Variants in RYR1 observed in about 807,000 individuals in gnomAD.
The protein encoded by RYR1 is ryanodine receptor 1.
RYR1 carries 342 observed loss-of-function variants against 583.5 expected under a neutral mutation model. The ratio of observed to expected loss-of-function variants is 0.59; its 90% CI spans 0.54 to 0.64. The LOEUF (loss-of-function observed/expected upper bound fraction) is 0.64, where lower values mean the gene tolerates loss of function less well. RYR1 is among the 30% of genes least tolerant of loss of function. The pLI is 0.00. For synonymous variants in RYR1, 2,791 were observed against 2,822.5 expected (o/e 0.99, Z 0.35); for missense variants, 6,032 against 6,917.2 (o/e 0.87, Z 4.54).
At chr19:38,568,309 T>G (rs1973540973) in intron 93 of RYR1, among the ~76,000 whole-genome samples, 2 of 152,178 alleles carry the variant, frequency 1.3e-5, no homozygotes, top group Non-Finnish European at 1.5e-5. Flanking sequence ...CCAGTGCTGC[T>G]GTGGAGGTCT....
In RYR1 at chr19:38,496,531, C is replaced by A; in HGVS notation, c.6786C>A (p.Gly2262=). ...TGAGCTACCTGCTGGAGAACAGTGGCATCGGCCTGGGTGAGAACCCCCGAG... is the reference window on the plus strand; with the variant it reads ...TGAGCTACCTGCTGGAGAACAGTGGAATCGGCCTGGGTGAGAACCCCCGAG... The part of the protein sequence containing the change: ...DHLSYLLENS[G]IGLGMQGSTP... The change falls in exon 41 of 106, where the codon GGC becomes GGA. Residue 2262 remains glycine, a synonymous_variant. Coordinates refer to ENST00000359596, the MANE Select transcript of RYR1 (RefSeq NM_000540.3). The surrounding 1 kb of genome is among the most constrained non-coding windows in gnomAD (Gnocchi z 4.8). The A allele has an allele frequency of 1.2e-6, 2 of 1,613,402 alleles. No homozygotes were observed. Among genetic ancestry groups the A allele is most frequent in the Non-Finnish European group, 1.7e-6 (2 of 1,180,030 alleles).
chr19:38,517,831 G>A, intron 66 of RYR1, 140 bp downstream of exon 66: 2 of 774,892 alleles, frequency 2.6e-6, no homozygotes, highest in South Asian at 3.4e-5. Context: ...CAAAAGACCA[G>A]GGGTCAGCTG....
At chr19:38,467,041 T>C (rs1403200524) in intron 24 of RYR1, among the ~76,000 whole-genome samples, 1 of 152,028 alleles carries the variant, frequency 6.6e-6, no homozygotes, top group Non-Finnish European at 1.5e-5. Context: ...TGATCCCTAA[T>C]CACTAATCTC....
chr19:38,535,849 C>T (rs2145747993), intron 81 of RYR1, 148 bp from the exon 82 acceptor site: 1 of 760,714 alleles, frequency 1.3e-6, no homozygotes, highest in Non-Finnish European at 2.3e-6. Flanking sequence ...CTTCTGCCAA[C>T]TCTTCATTTC....
rs1445473685 is a variant in RYR1 at position 38,483,711 on chromosome 19, G to A, written c.4934+195G>A. On this transcript the variant is annotated intron_variant, in intron 33 of 105. Transcript: ENST00000359596. The surrounding 1 kb of genome is among the most constrained non-coding windows in gnomAD (Gnocchi z 6.3). ...TGTCCCAGGGGGATTCAGACTCAAC[G>A]CAGGAGGCTCTACACCATCCCAGTG... Among the ~76,000 whole-genome samples the A allele has an allele frequency of 2.0e-5, 3 of 151,664 alleles. No homozygotes were observed. The highest frequency in any genetic ancestry group is 7.3e-5 in the African/African-American group (3 of 41,248).
intron 90 of RYR1, among the ~76,000 whole-genome samples, chr19:38,562,475 G>T (rs1183130198): frequency 6.6e-6 from 1 of 151,954 alleles, no homozygotes; most frequent in Non-Finnish European, 1.5e-5. Context: ...CCAGGTACTT[G>T]CACACCCCTT....
intron 93 of RYR1, among the ~76,000 whole-genome samples, chr19:38,568,147 A>G (rs896765858): frequency 6.6e-6 from 1 of 151,294 alleles, no homozygotes; most frequent in African/African-American, 2.4e-5. Flanking sequence ...CCTTATTCCA[A>G]CCTCCATACC....
Position 38,499,808 on chromosome 19 carries a change from C to G in RYR1, c.7201C>G (p.Arg2401Gly), listed in dbSNP as rs1481790842. Residue 2401 changes from arginine (R) to glycine (G), a missense_variant, in exon 44 of 106, where the codon CGG becomes GGG. By Grantham distance (125) the Arg-to-Gly change is moderately radical (BLOSUM62 -2). Coordinates refer to ENST00000359596, the MANE Select transcript of RYR1 (RefSeq NM_000540.3). The surrounding 1 kb of genome is among the most constrained non-coding windows in gnomAD (Gnocchi z 7.3). ...GGATGGCCCAGGCATCCGCAGGGAC[C>G]GGCGGCGCGAGCAGTGAGTCTCCCG... ...ARDGPGIRRD[R>G]RREHFGEEPP... is the part of the protein sequence containing the mutation. 4 of 1,604,840 alleles carry G rather than the reference C, an allele frequency of 2.5e-6. No homozygotes were observed. Among genetic ancestry groups the G allele is most frequent in the Non-Finnish European group, 3.4e-6 (4 of 1,179,028 alleles).
rs200098574 is a variant in RYR1 at position 38,455,212 on chromosome 19, G to A, written c.1441-23G>A. 15 of 1,613,736 alleles carry A rather than the reference G, an allele frequency of 9.3e-6. No homozygotes were observed. The East Asian group carries it at 2.7e-4, about 29-fold the overall frequency. ...GAGGGCCTGGGTCTCCTATTGTGAT[G>A]CCTCTTATTTTCCTCATCCTAGGGG... On this transcript the variant is annotated intron_variant, in intron 13 of 105. Coordinates refer to ENST00000359596, the MANE Select transcript of RYR1 (RefSeq NM_000540.3).
intron 61 of RYR1, 25 bp downstream of exon 61, chr19:38,511,635 T>C (rs971894016): frequency 6.2e-7 from 1 of 1,613,102 alleles, no homozygotes; most frequent in African/African-American, 1.3e-5. Context: ...ACCTTCGGTC[T>C]TCCTCCCTAA....
chr19:38,533,155 G>C (rs1270114316), intron 78 of RYR1, among the ~76,000 whole-genome samples: 2 of 152,106 alleles, frequency 1.3e-5, no homozygotes, highest in African/African-American at 4.8e-5. Context: ...GGGGACTTCT[G>C]AGCAGAAGGA....
At chr19:38,468,301 C>G (rs1968234278) in intron 25 of RYR1, among the ~76,000 whole-genome samples, 1 of 151,952 alleles carries the variant, frequency 6.6e-6, no homozygotes, top group South Asian at 2.1e-4. Flanking sequence ...CATCCATCAT[C>G]CATTCATCCC....
chr19:38,569,618 C>T (rs1267493068), intron 93 of RYR1, among the ~76,000 whole-genome samples: 1 of 152,062 alleles, frequency 6.6e-6, no homozygotes, highest in South Asian at 2.1e-4. Flanking sequence ...GGTGACCTCA[C>T]TCAGGAAGCA....
chr19:38,586,596 A>G lies in RYR1; in HGVS notation c.15021+20A>G. The G allele has an allele frequency of 6.2e-7, 1 of 1,612,378 alleles. No homozygotes were observed. Among genetic ancestry groups the G allele is most frequent in the African/African-American group, 1.3e-5 (1 of 74,994 alleles). Reference sequence around the variant, plus strand: ...GGTCAGGTAAGGGGGTGTTAATGGGAGGACAGTGGGCAGGACGTGGAGCCC... The same window carrying G: ...GGTCAGGTAAGGGGGTGTTAATGGGGGGACAGTGGGCAGGACGTGGAGCCC... On this transcript the variant is annotated intron_variant, in intron 105 of 105. Coordinates refer to ENST00000359596, the MANE Select transcript of RYR1 (RefSeq NM_000540.3).
At chr19:38,552,115 T>TTTTA (rs1222183958) in intron 89 of RYR1, among the ~76,000 whole-genome samples, 2 of 151,788 alleles carry the variant, frequency 1.3e-5, no homozygotes, top group East Asian at 1.9e-4. Flanking sequence ...ACCCGGCTAC[T>TTTTA]TTTATTTATT....
rs915332043 is a variant in RYR1, at chr19:38,538,063, A to G, written c.11689+103A>G. 3.1e-5 allele frequency: 32 copies of G among 1,043,668 alleles called. No individual in the cohort carries two copies. In the African/African-American group the frequency reaches 5.0e-4, roughly 16 times the overall value. The allele number at this position is 1,043,668 out of a possible 1,614,324, so 64.7% of individuals were successfully genotyped here. On this transcript the variant is annotated intron_variant, in intron 84 of 105. Transcript: ENST00000359596. The stretch of plus-strand genomic sequence containing the variant: ...GCCCCTCCTCCTCCCCCGGTCAATG[A>G]TGGCCACTCTCCAGCCAGTGTCAAT...
At position 38,486,139 on chromosome 19, in the gene RYR1, C is replaced by T. The variant is rs775744847; in HGVS notation, c.5484C>T (p.Asp1828=). 2.0e-5 allele frequency: 32 copies of T among 1,613,050 alleles called. No individual in the cohort carries two copies. The highest frequency in any genetic ancestry group is 1.3e-4 in the Admixed American group (8 of 59,986). The change falls in exon 34 of 106, where the codon GAC becomes GAT. Residue 1828 remains aspartate (D), a synonymous_variant. Coordinates refer to ENST00000359596, the MANE Select transcript of RYR1 (RefSeq NM_000540.3). ...AVRDGGQHAR[D]PVGGSVEFQF... ...GCGACGGTGGGCAGCACGCTCGCGACCCCGTCGGGGGCTCCGTGGAGTTCC... is the reference window on the plus strand; with the variant it reads ...GCGACGGTGGGCAGCACGCTCGCGATCCCGTCGGGGGCTCCGTGGAGTTCC...
chr19:38,488,394 C>T (rs1969394622), intron 34 of RYR1, among the ~76,000 whole-genome samples: 2 of 152,158 alleles, frequency 1.3e-5, no homozygotes, highest in Non-Finnish European at 2.9e-5. Context: ...ATTCATCCAG[C>T]CAGCCATCCA....
Position 38,451,872 on chromosome 19 carries a change from A to G in RYR1, c.1231A>G (p.Asn411Asp). 3.1e-6 allele frequency: 5 copies of G among 1,614,044 alleles called. No individual in the cohort carries two copies. The highest frequency in any genetic ancestry group is 4.2e-6 in the Non-Finnish European group (5 of 1,179,978). ...GATCCACAGCACCAATGGCCTATACAACCAGTTCATCAAGTGAGCAACCTG... is the reference window on the plus strand; with the variant it reads ...GATCCACAGCACCAATGGCCTATACGACCAGTTCATCAAGTGAGCAACCTG... ...RMIHSTNGLY[N>D]QFIKSLDSFS... Residue 411 changes from asparagine to aspartate, a missense_variant, in exon 12 of 106, where the codon AAC becomes GAC. Asn to Asp is a conservative substitution (Grantham distance 23). Coordinates refer to ENST00000359596, the MANE Select transcript of RYR1 (RefSeq NM_000540.3).
Sources: gnomAD v4.1 joint callset for allele counts (sites outside exome capture counted in the v4.1 genomes callset) on GRCh38, gnomAD v4.1.1 for gene constraint, Gnocchi (gnomAD v3.1) non-coding constraint, MANE v1.5 for transcripts, NCBI Gene and HGNC (gene_info 2026-07-23, HGNC 2026-07-21) for gene names.